Variants in IP6K1 observed in about 807,000 individuals in gnomAD.
IP6K1 encodes ATP:1D-myo-inositol-hexakisphosphate phosphotransferase.
IP6K1 carries 13 observed loss-of-function variants against 38.3 expected under a neutral mutation model. The observed-to-expected ratio is 0.34, with a 90% confidence interval of 0.22 to 0.54. IP6K1 has a LOEUF of 0.54. IP6K1 is among the 20% of genes least tolerant of loss of function. IP6K1 has a pLI of 0.92. For synonymous variants in IP6K1, 212 were observed against 229.9 expected (o/e 0.92, Z 0.70); for missense variants, 397 against 599.8 (o/e 0.66, Z 3.53).
chr3:49,749,056 G>C (rs921410633), intron 1 of IP6K1: 1 of 152,168 alleles, frequency 6.6e-6, no homozygotes, highest in Admixed American at 6.6e-5. Context: ...TGCCACCGCT[G>C]GTCTGACAGG....
rs1253733850 is a variant in IP6K1 at position 49,741,507 on chromosome 3, AT to A, written c.224-3086del. Among the ~76,000 whole-genome samples the A allele has an allele frequency of 2.6e-5, 4 of 152,082 alleles. No individual in the cohort carries two copies. The East Asian group carries it at 7.7e-4, about 29-fold the overall frequency. ...CTTTGTGCAGTTTTGAAACTGGGTG[AT>A]TTTTATTGCTTTCAAAACATAATCA... On this transcript the variant is annotated intron_variant, in intron 2 of 5. Coordinates refer to ENST00000321599, the MANE Select transcript of IP6K1 (RefSeq NM_153273.4).
chr3:49,737,093 T>TA (rs1215263858), intron 3 of IP6K1, among the ~76,000 whole-genome samples: 6 of 135,736 alleles, frequency 4.4e-5, no homozygotes, highest in East Asian at 2.1e-4. Context: ...TTTTTTTTTT[T>TA]AGAGATGGGG....
intron 1 of IP6K1, among the ~76,000 whole-genome samples, chr3:49,769,894 A>C (rs1178545668): frequency 1.3e-5 from 2 of 152,210 alleles, no homozygotes; most frequent in Non-Finnish European, 2.9e-5. Context: ...TCCTGCAAAG[A>C]GCTTTATGAA....
intron 4 of IP6K1, 105 bp downstream of exon 4, chr3:49,732,686 C>T (rs766591091): frequency 3.1e-5 from 26 of 850,954 alleles, no homozygotes; most frequent in South Asian, 4.4e-5. Flanking sequence ...GAGATTAAAC[C>T]GAAGAGGGAC....
At chr3:49,781,702 C>A (rs566552437) in intron 1 of IP6K1, among the ~76,000 whole-genome samples, 1 of 152,226 alleles carries the variant, frequency 6.6e-6, no homozygotes, top group East Asian at 1.9e-4. Flanking sequence ...ACCTTAAATG[C>A]CACATTAGGA....
chr3:49,759,389 GATA>G (rs1370302041), intron 1 of IP6K1, among the ~76,000 whole-genome samples: 1 of 152,158 alleles, frequency 6.6e-6, no homozygotes, highest in Non-Finnish European at 1.5e-5. Context: ...ATTCTTTTGA[GATA>G]ATGTGCTGTT....
chr3:49,729,144 T>C (rs1005645605), intron 4 of IP6K1, among the ~76,000 whole-genome samples: 1 of 152,174 alleles, frequency 6.6e-6, no homozygotes, highest in Non-Finnish European at 1.5e-5. Flanking sequence ...TCTAGTCTAC[T>C]TTCTGTCTCT....
At chr3:49,755,510 G>C (rs2080814110) in intron 1 of IP6K1, among the ~76,000 whole-genome samples, 1 of 152,018 alleles carries the variant, frequency 6.6e-6, no homozygotes, top group Non-Finnish European at 1.5e-5. Flanking sequence ...AGTATTTTTG[G>C]TTTTGGCAAA....
chr3:49,770,427 T>C (rs1389221533), intron 1 of IP6K1, among the ~76,000 whole-genome samples: 2 of 152,084 alleles, frequency 1.3e-5, no homozygotes, highest in Non-Finnish European at 2.9e-5. Context: ...AGAAAGCTTG[T>C]AGGTGAAAAC....
At chr3:49,783,694 C>G (rs1478492325) in intron 1 of IP6K1, among the ~76,000 whole-genome samples, 3 of 146,720 alleles carry the variant, frequency 2.0e-5, no homozygotes, top group African/African-American at 7.7e-5. Flanking sequence ...GCCAGCGCAA[C>G]CGAGCGAGAT....
chr3:49,746,094 A>C (rs1181921840), intron 2 of IP6K1, among the ~76,000 whole-genome samples: 1 of 152,120 alleles, frequency 6.6e-6, no homozygotes, highest in Non-Finnish European at 1.5e-5. Flanking sequence ...ACCCTTGTAC[A>C]TTGCTGGTAA....
chr3:49,760,519 G>A (rs2080858908), intron 1 of IP6K1, among the ~76,000 whole-genome samples: 1 of 151,672 alleles, frequency 6.6e-6, no homozygotes, highest in Non-Finnish European at 1.5e-5. Context: ...AGCTACTCGT[G>A]AGGCTGAGGC....
At chr3:49,771,060 A>G (rs2080953363) in intron 1 of IP6K1, among the ~76,000 whole-genome samples, 1 of 151,956 alleles carries the variant, frequency 6.6e-6, no homozygotes, top group African/African-American at 2.4e-5. Flanking sequence ...TAGAGGGTAC[A>G]CTAAGTTATG....
chr3:49,782,446 G>C (rs2081073565), intron 1 of IP6K1, among the ~76,000 whole-genome samples: 1 of 152,034 alleles, frequency 6.6e-6, no homozygotes, highest in Non-Finnish European at 1.5e-5. Context: ...TGGGATTACA[G>C]GCTTGAGCCA....
intron 1 of IP6K1, among the ~76,000 whole-genome samples, chr3:49,778,130 C>A (rs1446079760): frequency 1.3e-5 from 2 of 151,110 alleles, no homozygotes; most frequent in Non-Finnish European, 2.9e-5. Context: ...TCGAGACCAT[C>A]CTGGCCAACA....
intron 1 of IP6K1, among the ~76,000 whole-genome samples, chr3:49,751,803 G>T (rs928218953): frequency 1.3e-5 from 2 of 152,148 alleles, no homozygotes; most frequent in Non-Finnish European, 2.9e-5. Flanking sequence ...TGTATGAAAA[G>T]AACTTGCTGA....
At chr3:49,776,895 G>A (rs1575328997) in intron 1 of IP6K1, among the ~76,000 whole-genome samples, 1 of 152,150 alleles carries the variant, frequency 6.6e-6, no homozygotes, top group South Asian at 2.1e-4. Context: ...AGCAGGCTGG[G>A]GTTGACTGGA....
At chr3:49,764,276 G>T (rs2080890371) in intron 1 of IP6K1, among the ~76,000 whole-genome samples, 1 of 152,088 alleles carries the variant, frequency 6.6e-6, no homozygotes, top group South Asian at 2.1e-4. Context: ...CAGCTACTCA[G>T]GAGGCTGAGG....
At chr3:49,780,244 T>G (rs542163774) in intron 1 of IP6K1, among the ~76,000 whole-genome samples, 2 of 149,544 alleles carry the variant, frequency 1.3e-5, no homozygotes, top group East Asian at 4.0e-4. Context: ...AGCTCATTTG[T>G]TACATCTTCT....
Sources: gnomAD v4.1 joint callset for allele counts (sites outside exome capture counted in the v4.1 genomes callset) on GRCh38, gnomAD v4.1.1 for gene constraint, MANE v1.5 for transcripts, NCBI Gene and HGNC (gene_info 2026-07-23, HGNC 2026-07-21) for gene names.